NPIPB2: variants seen among roughly 807,000 people sequenced by gnomAD.
The protein encoded by NPIPB2 is nuclear pore complex interacting protein family member B2, also known as nuclear pore complex-interacting protein family member B2.
NPIPB2 carries 27 observed loss-of-function variants against 30.8 expected under a neutral mutation model. That is an observed-to-expected ratio of 0.88 (90% confidence interval 0.65 to 1.21). NPIPB2 has a LOEUF of 1.21. Ranked by LOEUF, NPIPB2 falls within the 50% of genes most tolerant of loss-of-function variation. NPIPB2 has a pLI of 0.00. For synonymous variants in NPIPB2, 147 were observed against 162.0 expected (o/e 0.91, Z 0.70); for missense variants, 440 against 446.2 (o/e 0.99, Z 0.13).
intron 1 of NPIPB2, chr16:11,941,239 C>T (rs1401476674): frequency 1.6e-5 from 25 of 1,522,438 alleles, no homozygotes; most frequent in African/African-American, 2.8e-5. Context: ...CCACAGCACC[C>T]GCATGTCCTG....
chr16:11,942,809 T>A (rs1158308781), upstream of NPIPB2, among the ~76,000 whole-genome samples: 1 of 151,938 alleles, frequency 6.6e-6, no homozygotes, highest in Non-Finnish European at 1.5e-5. Flanking sequence ...CCTGGCCCTG[T>A]CCTCAGCTAA....
chr16:11,947,031 C>T (rs1034935508), upstream of NPIPB2, among the ~76,000 whole-genome samples: 1 of 70,918 alleles, frequency 1.4e-5, no homozygotes, highest in East Asian at 4.7e-4. Flanking sequence ...CTAAATTCAA[C>T]TATTTGAATT....
chr16:11,941,854 C>T (rs1449679215), intron 1 of NPIPB2, 129 bp downstream of exon 1: 11 of 980,546 alleles, frequency 1.1e-5, no homozygotes, highest in Non-Finnish European at 1.7e-5. Flanking sequence ...TCTGGTCCTC[C>T]CCAACCAGCT....
chr16:11,941,332 C>T (rs111374448), intron 1 of NPIPB2: 5 of 484,686 alleles, frequency 1.0e-5, no homozygotes, highest in South Asian at 5.6e-5. Context: ...AGGGACCGGG[C>T]CGGATCTGAG....
At chr16:11,956,816 C>G (rs1308524006) in intron 1 of NPIPB2, among the ~76,000 whole-genome samples, 1 of 152,190 alleles carries the variant, frequency 6.6e-6, no homozygotes, top group Non-Finnish European at 1.5e-5. Flanking sequence ...TTGGCAGGCT[C>G]TCACTCTCCA....
At chr16:11,947,265 G>C (rs1213357191) in intron 1 of NPIPB2, among the ~76,000 whole-genome samples, 1 of 146,710 alleles carries the variant, frequency 6.8e-6, no homozygotes, top group East Asian at 2.0e-4. Context: ...TGAATGGTGT[G>C]TGTGTGTGTG....
intron 1 of NPIPB2, among the ~76,000 whole-genome samples, chr16:11,972,837 C>G (rs2055244072): frequency 6.8e-6 from 1 of 146,650 alleles, no homozygotes; most frequent in Non-Finnish European, 1.5e-5. Flanking sequence ...GCATTCCAGG[C>G]TGGCAACAGA....
At chr16:11,949,537 C>T (rs543525029) in intron 1 of NPIPB2, among the ~76,000 whole-genome samples, 3 of 152,268 alleles carry the variant, frequency 2.0e-5, no homozygotes, top group South Asian at 2.1e-4. Context: ...GAGAAGAACC[C>T]GGATAACTAA....
intron 1 of NPIPB2, chr16:11,966,086 G>A: frequency 2.5e-6 from 3 of 1,186,376 alleles, no homozygotes; most frequent in Non-Finnish European, 1.1e-6. Context: ...ACTCTAGCCT[G>A]GGCAACAGAG....
intron 1 of NPIPB2, among the ~76,000 whole-genome samples, chr16:11,957,289 C>T (rs1427091920): frequency 2.0e-5 from 3 of 151,876 alleles, no homozygotes; most frequent in Non-Finnish European, 4.4e-5. Flanking sequence ...CTCAGCCTCC[C>T]GAGTAGCTGG....
chr16:11,934,926 A>T (rs1451152386), intron 2 of NPIPB2, among the ~76,000 whole-genome samples: 2 of 147,508 alleles, frequency 1.4e-5, no homozygotes, highest in African/African-American at 5.0e-5. Flanking sequence ...ACACGGTTAG[A>T]TGGTAATTAT....
At chr16:11,952,993 C>T (rs2055081231) in intron 1 of NPIPB2, among the ~76,000 whole-genome samples, 1 of 152,196 alleles carries the variant, frequency 6.6e-6, no homozygotes, top group Admixed American at 6.6e-5. Flanking sequence ...AGTGTATTCC[C>T]TGTGGATTCT....
intron 4 of NPIPB2, 44 bp downstream of exon 4, chr16:11,933,473 G>C (rs2054818460): frequency 1.3e-6 from 2 of 1,595,754 alleles, no homozygotes; most frequent in Admixed American, 3.3e-5. Flanking sequence ...ACTTTGATTG[G>C]CACATGGTTC....
intron 1 of NPIPB2, among the ~76,000 whole-genome samples, chr16:11,948,524 T>C (rs1008120413): frequency 6.6e-6 from 1 of 152,034 alleles, no homozygotes; most frequent in East Asian, 1.9e-4. Context: ...CCCAGCACTT[T>C]GGGAGCCCGA....
chr16:11,935,620 A>C (rs2054855331), intron 2 of NPIPB2, among the ~76,000 whole-genome samples: 1 of 151,954 alleles, frequency 6.6e-6, no homozygotes, highest in Admixed American at 6.6e-5. Context: ...GGCCTGAAAT[A>C]ATATCTTTCA....
Position 11,950,054 on chromosome 16 carries a change from G to A in NPIPB2, c.-583-7940C>T, listed in dbSNP as rs1460115128. Among the ~76,000 whole-genome samples the A allele has an allele frequency of 2.6e-5, 4 of 151,804 alleles. 1 individual carries two copies. Among genetic ancestry groups the A allele is most frequent in the South Asian group, 4.2e-4 (2 of 4,790 alleles). On this transcript the variant is annotated intron_variant, in intron 1 of 5. Transcript: ENST00000538896. ...TTATTTTTTATGTTTTATTTTTTCCGAGATGGAGTCTCGCTCTGTCACCCA... is the reference window on the plus strand; with the variant it reads ...TTATTTTTTATGTTTTATTTTTTCCAAGATGGAGTCTCGCTCTGTCACCCA...
At chr16:11,966,556 A>G (rs1392019574) in intron 1 of NPIPB2, among the ~76,000 whole-genome samples, 1 of 152,214 alleles carries the variant, frequency 6.6e-6, no homozygotes, top group Non-Finnish European at 1.5e-5. Flanking sequence ...AGTCTTCTCC[A>G]GGATTCTTCC....
At chr16:11,955,672 G>A (rs1324331895) in intron 1 of NPIPB2, among the ~76,000 whole-genome samples, 1 of 150,370 alleles carries the variant, frequency 6.7e-6, no homozygotes, top group African/African-American at 2.5e-5. Context: ...AGTGAGCTGA[G>A]ATCGTACCAC....
intron 1 of NPIPB2, among the ~76,000 whole-genome samples, chr16:11,962,797 G>A (rs920480637): frequency 2.6e-5 from 4 of 151,836 alleles, no homozygotes; most frequent in Non-Finnish European, 5.9e-5. Context: ...GGCTGGGCGC[G>A]GTGGCTCACA....
Sources: allele counts gnomAD v4.1 joint callset (sites outside exome capture counted in the v4.1 genomes callset), GRCh38; gene constraint gnomAD v4.1.1; transcripts MANE v1.5; gene names NCBI Gene and HGNC (gene_info 2026-07-23, HGNC 2026-07-21).